BTBD9: variants seen among roughly 807,000 people sequenced by gnomAD.
BTBD9 encodes the protein BTB/POZ domain-containing protein 9.
BTBD9 carries 49 observed loss-of-function variants against 64.3 expected under a neutral mutation model. The ratio of observed to expected loss-of-function variants is 0.76; its 90% CI spans 0.61 to 0.97. The LOEUF is 0.97. Ranked by LOEUF, BTBD9 falls within the 50% of genes least tolerant of loss-of-function variation. BTBD9 has a pLI of 0.00. For missense variants in BTBD9, 598 were observed against 762.1 expected, an observed-to-expected ratio of 0.78 and a Z score of 2.53; for synonymous variants, 260 against 274.7, an observed-to-expected ratio of 0.95 and a Z score of 0.53.
chr6:38,595,331 T>C (rs1195902481), intron 2 of BTBD9, among the ~76,000 whole-genome samples: 1 of 152,198 alleles, frequency 6.6e-6, no homozygotes. Context: ...AAATTACTGA[T>C]AGGATTACAG....
chr6:38,319,373 C>A (rs1387054689), intron 7 of BTBD9, among the ~76,000 whole-genome samples: 2 of 152,084 alleles, frequency 1.3e-5, no homozygotes, highest in African/African-American at 4.8e-5. Flanking sequence ...CTCATATCCA[C>A]CACAGCTGCG....
In BTBD9 at chr6:38,178,938, C is replaced by T. The variant is rs369750819; in HGVS notation, c.1642-3756G>A. Among the ~76,000 whole-genome samples, 13 of 152,144 alleles carry T rather than the reference C, an allele frequency of 8.5e-5. No homozygotes were observed. In the South Asian group the frequency reaches 1.7e-3, roughly 19 times the overall value. Reference sequence around the variant, plus strand: ...GGCTATCTCAGCTCACTGCAACCTCCGCCTCCCAGGTTCAAGCGATTCTCC... The same window carrying T: ...GGCTATCTCAGCTCACTGCAACCTCTGCCTCCCAGGTTCAAGCGATTCTCC... On this transcript the variant is annotated intron_variant, in intron 10 of 10. Coordinates refer to ENST00000481247, the MANE Select transcript of BTBD9 (RefSeq NM_001099272.2).
At chr6:38,588,577 CA>C in intron 4 of BTBD9, 1 of 513,886 alleles carries the variant, frequency 1.9e-6, no homozygotes. Flanking sequence ...ATTGGCCTCC[CA>C]AAAGACTCCA....
At chr6:38,228,487 G>C (rs925723813) in intron 9 of BTBD9, among the ~76,000 whole-genome samples, 11 of 152,036 alleles carry the variant, frequency 7.2e-5, no homozygotes, top group Non-Finnish European at 1.5e-4. Context: ...TTGATACTTG[G>C]GGAGGCTGTG....
chr6:38,399,796 G>A (rs1234223297), intron 6 of BTBD9, among the ~76,000 whole-genome samples: 2 of 151,954 alleles, frequency 1.3e-5, no homozygotes, highest in Non-Finnish European at 1.5e-5. Context: ...TTGTTGCCCA[G>A]GCTGGAGTGC....
chr6:38,539,357 C>A (rs1297945142), intron 6 of BTBD9, among the ~76,000 whole-genome samples: 1 of 152,116 alleles, frequency 6.6e-6, no homozygotes, highest in African/African-American at 2.4e-5. Context: ...TATATTTATT[C>A]CTCTAAACAA....
At chr6:38,603,985 C>A (rs1045391183) in intron 1 of BTBD9, among the ~76,000 whole-genome samples, 1 of 152,206 alleles carries the variant, frequency 6.6e-6, no homozygotes, top group Non-Finnish European at 1.5e-5. Context: ...AAATCACATT[C>A]TACTTCTCAC....
intron 7 of BTBD9, among the ~76,000 whole-genome samples, chr6:38,319,826 A>G (rs758893856): frequency 6.4e-4 from 98 of 152,066 alleles, no homozygotes; most frequent in Non-Finnish European, 1.1e-3. Flanking sequence ...ATACTCCCCA[A>G]GTCACTGGCT....
chr6:38,315,968 C>T (rs1763013993), intron 7 of BTBD9, among the ~76,000 whole-genome samples: 1 of 152,146 alleles, frequency 6.6e-6, no homozygotes, highest in South Asian at 2.1e-4. Flanking sequence ...ATAATATTTG[C>T]TTTATATATC....
chr6:38,297,487 A>G (rs889683974), intron 7 of BTBD9, among the ~76,000 whole-genome samples: 3 of 152,198 alleles, frequency 2.0e-5, no homozygotes, highest in South Asian at 2.1e-4. Flanking sequence ...CTTAGAAATT[A>G]TATCTTCCTG....
At chr6:38,588,687 A>T (rs1776656211) in intron 4 of BTBD9, among the ~76,000 whole-genome samples, 1 of 152,248 alleles carries the variant, frequency 6.6e-6, no homozygotes, top group African/African-American at 2.4e-5. Context: ...GCTGGAACAC[A>T]AAGACCAAAA....
chr6:38,630,542 G>A (rs1582742825), intron 1 of BTBD9, among the ~76,000 whole-genome samples: 1 of 152,096 alleles, frequency 6.6e-6, no homozygotes, highest in African/African-American at 2.4e-5. Context: ...AAACAAATGT[G>A]GTAAAATGTT....
At chr6:38,275,231 AAAAC>A (rs1765341949) in intron 8 of BTBD9, among the ~76,000 whole-genome samples, 2 of 152,118 alleles carry the variant, frequency 1.3e-5, no homozygotes, top group African/African-American at 4.8e-5. Flanking sequence ...AAACCTGACA[AAAAC>A]AAGCAATGGG....
intron 8 of BTBD9, among the ~76,000 whole-genome samples, chr6:38,262,380 A>G (rs1237312230): frequency 6.6e-6 from 1 of 152,182 alleles, no homozygotes; most frequent in Non-Finnish European, 1.5e-5. Flanking sequence ...TGAGCACAGC[A>G]TGAAATGCCT....
chr6:38,614,888 C>A (rs149525783), intron 1 of BTBD9, among the ~76,000 whole-genome samples: 1 of 152,354 alleles, frequency 6.6e-6, no homozygotes, highest in East Asian at 1.9e-4. Flanking sequence ...AATTACAAAA[C>A]TTGAGTATAA....
intron 7 of BTBD9, among the ~76,000 whole-genome samples, chr6:38,323,393 G>A (rs1157595978): frequency 6.6e-6 from 1 of 152,198 alleles, no homozygotes; most frequent in Non-Finnish European, 1.5e-5. Context: ...GAAAAAGGGT[G>A]CAGAGGGACA....
intron 8 of BTBD9, among the ~76,000 whole-genome samples, chr6:38,285,777 G>A (rs1761705666): frequency 6.6e-6 from 1 of 152,170 alleles, no homozygotes; most frequent in South Asian, 2.1e-4. Flanking sequence ...CAAGCCTACT[G>A]AAAGAAATTG....
intron 9 of BTBD9, among the ~76,000 whole-genome samples, chr6:38,210,608 C>A (rs903765394): frequency 1.3e-5 from 2 of 148,632 alleles, no homozygotes; most frequent in Non-Finnish European, 3.0e-5. Context: ...TTGTGTAGTA[C>A]AGAAAGAGGA....
At chr6:38,246,799 T>C (rs918367023) in intron 9 of BTBD9, among the ~76,000 whole-genome samples, 30 of 152,198 alleles carry the variant, frequency 2.0e-4, no homozygotes, top group African/African-American at 5.3e-4. Flanking sequence ...TCCAACCTGG[T>C]AGGGCAGAAA....
Sources: gnomAD v4.1 joint callset for allele counts (sites outside exome capture counted in the v4.1 genomes callset) on GRCh38, gnomAD v4.1.1 for gene constraint, MANE v1.5 for transcripts, NCBI Gene and HGNC (gene_info 2026-07-23, HGNC 2026-07-21) for gene names.